DENND1B: variants seen among roughly 807,000 people sequenced by gnomAD.
The protein encoded by DENND1B is DENN domain containing 1B, also known as DENN domain-containing protein 1B.
A neutral mutation model predicts 90.1 loss-of-function variants in DENND1B; 59 were observed. The observed-to-expected ratio is 0.65, with a 90% confidence interval of 0.53 to 0.81. The LOEUF is 0.81. DENND1B is among the 40% of genes least tolerant of loss of function. The pLI, the probability that DENND1B is intolerant of heterozygous loss-of-function variation, is 0.00. For missense variants in DENND1B, 862 were observed against 912.6 expected, an observed-to-expected ratio of 0.94 and a Z score of 0.71; for synonymous variants, 337 against 324.6, an observed-to-expected ratio of 1.04 and a Z score of -0.41.
intron 5 of DENND1B, among the ~76,000 whole-genome samples, chr1:197,660,622 G>C (rs137951561): frequency 1.3e-5 from 2 of 152,188 alleles, no homozygotes; most frequent in Non-Finnish European, 2.9e-5. Context: ...GAGTGCCTAA[G>C]AGTTTCCAAA....
intron 3 of DENND1B, chr1:197,689,522 T>A (rs1032684599): frequency 2.0e-5 from 3 of 152,612 alleles, no homozygotes; most frequent in Non-Finnish European, 4.4e-5. Flanking sequence ...GAACTTGGTA[T>A]CTCCAAGAAT....
intron 3 of DENND1B, among the ~76,000 whole-genome samples, chr1:197,676,445 C>T (rs985078294): frequency 3.9e-5 from 6 of 152,096 alleles, no homozygotes; most frequent in African/African-American, 4.8e-5. Flanking sequence ...CACACACACA[C>T]GCACACACGA....
intron 2 of DENND1B, among the ~76,000 whole-genome samples, chr1:197,729,354 T>C (rs1019957076): frequency 1.3e-5 from 2 of 152,276 alleles, no homozygotes; most frequent in East Asian, 1.9e-4. Context: ...ATCATATCAA[T>C]TTTTCACAGT....
At chr1:197,576,092 A>C (rs1024378565) in intron 15 of DENND1B, among the ~76,000 whole-genome samples, 15 of 152,230 alleles carry the variant, frequency 9.9e-5, no homozygotes, top group African/African-American at 2.9e-4. Flanking sequence ...TAAAAAGAAA[A>C]CAGAAAAAGA....
chr1:197,589,178 A>G (rs2125790450), intron 14 of DENND1B, among the ~76,000 whole-genome samples: 1 of 152,280 alleles, frequency 6.6e-6, no homozygotes, highest in East Asian at 1.9e-4. Context: ...AGGCAATAAG[A>G]AAAACACTCT....
intron 3 of DENND1B, among the ~76,000 whole-genome samples, chr1:197,713,844 T>TAA (rs1660291371): frequency 2.2e-3 from 51 of 22,984 alleles, no homozygotes; most frequent in African/African-American, 3.0e-3. Context: ...ATATATTATA[T>TAA]TATATTATTA....
Position 197,642,712 on chromosome 1 carries a change from G to A in DENND1B, c.671C>T (p.Thr224Ile). 1 of 1,610,368 alleles carries A rather than the reference G, an allele frequency of 6.2e-7. No homozygotes were observed. Among genetic ancestry groups the A allele is most frequent in the Non-Finnish European group, 8.5e-7 (1 of 1,177,746 alleles). Reference protein sequence around the residue: ...RIVIISSKLSTLTACIHGSAA... With the variant: ...RIVIISSKLSILTACIHGSAA... ...TTAAAAGAAGTGTGAAGTACTTACA[G>A]TGCTTAATTTGCTCGAGATAATCAC... Residue 224 changes from threonine (T) to isoleucine (I), a missense_variant and splice_region_variant, in exon 10 of 23, where the codon ACT (threonine) becomes ATT (isoleucine). Physicochemically the swap from Thr to Ile is moderately conservative, Grantham distance 89 (BLOSUM62 -1). Transcript: ENST00000620048.
intron 15 of DENND1B, among the ~76,000 whole-genome samples, chr1:197,576,136 A>C (rs979719453): frequency 1.3e-5 from 2 of 152,186 alleles, no homozygotes; most frequent in African/African-American, 4.8e-5. Flanking sequence ...TAGAAAAGAC[A>C]GAATGATCAA....
chr1:197,644,832 G>GA (rs1680592539), intron 9 of DENND1B, among the ~76,000 whole-genome samples: 1 of 152,062 alleles, frequency 6.6e-6, no homozygotes, highest in Non-Finnish European at 1.5e-5. Context: ...AAAACATTTG[G>GA]AAAAACACTA....
At chr1:197,684,326 G>C (rs968949873) in intron 3 of DENND1B, among the ~76,000 whole-genome samples, 6 of 152,264 alleles carry the variant, frequency 3.9e-5, no homozygotes, top group African/African-American at 1.4e-4. Flanking sequence ...GCAAATAATA[G>C]AGTTAGGATT....
intron 3 of DENND1B, among the ~76,000 whole-genome samples, chr1:197,701,280 G>A (rs985551669): frequency 2.0e-5 from 3 of 152,162 alleles, no homozygotes; most frequent in African/African-American, 7.2e-5. Context: ...TCCTTTGCAG[G>A]GACATGGATG....
chr1:197,664,518 T>C (rs1016067048), intron 5 of DENND1B, among the ~76,000 whole-genome samples: 2 of 152,044 alleles, frequency 1.3e-5, no homozygotes, highest in African/African-American at 2.4e-5. Context: ...ATGAGTCCAT[T>C]TTGTGGTAGT....
At chr1:197,560,878 A>G (rs886131352) in intron 15 of DENND1B, among the ~76,000 whole-genome samples, 10 of 151,750 alleles carry the variant, frequency 6.6e-5, no homozygotes, top group African/African-American at 2.4e-4. Context: ...TTTCTTCCTA[A>G]TTTCACCAAA....
chr1:197,544,427 T>C (rs1349096737), intron 18 of DENND1B, among the ~76,000 whole-genome samples: 3 of 151,710 alleles, frequency 2.0e-5, no homozygotes, highest in Non-Finnish European at 4.4e-5. Flanking sequence ...TTCTGAGGAG[T>C]AGGGGGAAAA....
intron 18 of DENND1B, among the ~76,000 whole-genome samples, chr1:197,542,565 G>T (rs2125659555): frequency 6.6e-6 from 1 of 152,278 alleles, no homozygotes; most frequent in Admixed American, 6.5e-5. Flanking sequence ...TTGAATAAAT[G>T]AGATAGAGGT....
intron 10 of DENND1B, among the ~76,000 whole-genome samples, chr1:197,626,248 C>A (rs1454728882): frequency 1.3e-5 from 2 of 152,038 alleles, no homozygotes; most frequent in Non-Finnish European, 2.9e-5. Flanking sequence ...CACACCTATT[C>A]CAAAATTGAC....
Position 197,505,855 on chromosome 1 carries a change from T to C in DENND1B, c.*4605A>G, listed in dbSNP as rs968293644. On this transcript the variant is annotated 3_prime_UTR_variant, in exon 23 of 23. Transcript: ENST00000620048. ...GATTTAGGTGGTGCAGAACTGAGTATCTGTTAAATGTACACATGTAGAATC... is the reference window on the plus strand; with the variant it reads ...GATTTAGGTGGTGCAGAACTGAGTACCTGTTAAATGTACACATGTAGAATC... 1.3e-5 allele frequency: 2 copies of C among 151,662 alleles called. No homozygotes were observed. Among genetic ancestry groups the C allele is most frequent in the Non-Finnish European group, 3.0e-5 (2 of 67,708 alleles). The allele number at this position is 151,662 out of a possible 1,614,324, so 9.4% of individuals were successfully genotyped here.
At chr1:197,613,146 G>C (rs2125851831) in intron 11 of DENND1B, among the ~76,000 whole-genome samples, 1 of 150,696 alleles carries the variant, frequency 6.6e-6, no homozygotes, top group South Asian at 2.1e-4. Flanking sequence ...TATTAGAACA[G>C]AGCTGTCCAA....
chr1:197,761,206 TAAAAACCAAAAAAATTAA>T, intron 2 of DENND1B, among the ~76,000 whole-genome samples: 1 of 152,166 alleles, frequency 6.6e-6, no homozygotes, highest in Non-Finnish European at 1.5e-5. Flanking sequence ...CATTATTTTC[TAAAAACCAAAAAAATTAA>T]CTTCATTAAC....
Sources: allele counts gnomAD v4.1 joint callset (sites outside exome capture counted in the v4.1 genomes callset), GRCh38; gene constraint gnomAD v4.1.1; transcripts MANE v1.5; gene names NCBI Gene and HGNC (gene_info 2026-07-23, HGNC 2026-07-21).